INPP4B: variants seen among roughly 807,000 people sequenced by gnomAD.
The protein encoded by INPP4B is inositol polyphosphate-4-phosphatase type II B, also known as inositol polyphosphate 4-phosphatase type II.
In INPP4B, 55 loss-of-function variants were observed where a neutral mutation model predicts 122.5. That is an observed-to-expected ratio of 0.45 (90% CI 0.36 to 0.56). The LOEUF (loss-of-function observed/expected upper bound fraction) is 0.56, where lower values mean the gene tolerates loss of function less well. Ranked by LOEUF, INPP4B falls within the 20% of genes least tolerant of loss-of-function variation. The pLI is 0.00. For synonymous variants in INPP4B, 403 were observed against 388.7 expected, an observed-to-expected ratio of 1.04 and a Z score of -0.43; for missense variants, 1,000 against 1,097.7, an observed-to-expected ratio of 0.91 and a Z score of 1.26.
At chr4:142,279,711 C>T (rs1750292617) in intron 9 of INPP4B, among the ~76,000 whole-genome samples, 1 of 151,656 alleles carries the variant, frequency 6.6e-6, no homozygotes, top group South Asian at 2.1e-4. Flanking sequence ...AGTGTGACAC[C>T]AAAGTCATGA....
chr4:142,319,350 C>T (rs77806399), intron 7 of INPP4B, among the ~76,000 whole-genome samples: 14,209 of 152,202 alleles, frequency 0.093, 729 homozygotes, highest in Non-Finnish European at 0.13. Context: ...GAATGTGTCT[C>T]ATTTCTTTAA....
chr4:142,252,925 G>T (rs1402912191), intron 11 of INPP4B, among the ~76,000 whole-genome samples: 1 of 152,128 alleles, frequency 6.6e-6, no homozygotes, highest in African/African-American at 2.4e-5. Context: ...TTTCGTCATG[G>T]TGCAAACATC....
At chr4:142,763,181 T>A (rs571330489) in intron 1 of INPP4B, among the ~76,000 whole-genome samples, 1 of 152,330 alleles carries the variant, frequency 6.6e-6, no homozygotes, top group East Asian at 1.9e-4. Flanking sequence ...CAGTTTCTAC[T>A]CACTTGCGAC....
chr4:142,529,942 G>A (rs1827386495), intron 2 of INPP4B, among the ~76,000 whole-genome samples: 1 of 152,094 alleles, frequency 6.6e-6, no homozygotes, highest in African/African-American at 2.4e-5. Flanking sequence ...AGGTTATAAA[G>A]CTATATCTAG....
chr4:142,816,419 G>A (rs1169959099), intron 1 of INPP4B, among the ~76,000 whole-genome samples: 1 of 151,892 alleles, frequency 6.6e-6, no homozygotes, highest in African/African-American at 2.4e-5. Flanking sequence ...GAGTTAGTGT[G>A]AGAAGGAAAA....
intron 1 of INPP4B, among the ~76,000 whole-genome samples, chr4:142,804,871 T>C (rs1479057195): frequency 6.6e-6 from 1 of 152,196 alleles, no homozygotes; most frequent in Non-Finnish European, 1.5e-5. Flanking sequence ...TTCGCCATGT[T>C]GCCCAGTCTG....
intron 14 of INPP4B, among the ~76,000 whole-genome samples, chr4:142,201,564 T>C (rs563406163): frequency 2.8e-4 from 42 of 152,142 alleles, no homozygotes; most frequent in African/African-American, 9.1e-4. Context: ...ATGTGATTTA[T>C]TTCCTGGTCT....
At chr4:142,809,628 A>C (rs1296388355) in intron 1 of INPP4B, among the ~76,000 whole-genome samples, 1 of 152,158 alleles carries the variant, frequency 6.6e-6, no homozygotes, top group Non-Finnish European at 1.5e-5. Flanking sequence ...TCCTGGGAAA[A>C]AAGTACTGAC....
At chr4:142,232,294 G>A (rs1854730887) in intron 12 of INPP4B, among the ~76,000 whole-genome samples, 1 of 151,976 alleles carries the variant, frequency 6.6e-6, no homozygotes, top group Non-Finnish European at 1.5e-5. Flanking sequence ...GAAGATTGGT[G>A]GCAATCCTTC....
chr4:142,532,168 C>G (rs888072611), intron 2 of INPP4B, among the ~76,000 whole-genome samples: 2 of 152,146 alleles, frequency 1.3e-5, no homozygotes, highest in Non-Finnish European at 2.9e-5. Context: ...TAAACACTTT[C>G]AAAGGATTCC....
intron 3 of INPP4B, among the ~76,000 whole-genome samples, chr4:142,446,613 TAA>T (rs1411187201): frequency 6.6e-6 from 1 of 152,202 alleles, no homozygotes; most frequent in African/African-American, 2.4e-5. Flanking sequence ...GAAAACAGGC[TAA>T]GTGTCCATCA....
chr4:142,356,291 G>T (rs9998814), intron 7 of INPP4B, among the ~76,000 whole-genome samples: 1 of 148,038 alleles, frequency 6.8e-6, no homozygotes, highest in African/African-American at 2.5e-5. Flanking sequence ...GTGTTGATTT[G>T]AAAATAAGAA....
chr4:142,292,607 A>G lies in INPP4B; in HGVS notation c.503+12851T>C, dbSNP rs564313333. On this transcript the variant is annotated intron_variant, in intron 9 of 25. Transcript: ENST00000262992. Reference sequence around the variant, plus strand: ...CTTTCCCTGAGAGAGACTGCATCAGAGAAATATAAGGGAAGATTAAAAAGT... The same window carrying G: ...CTTTCCCTGAGAGAGACTGCATCAGGGAAATATAAGGGAAGATTAAAAAGT... 2.0e-5 allele frequency among the ~76,000 whole-genome samples: 3 copies of G among 152,368 alleles called. No individual in the cohort carries two copies. In the East Asian group the frequency reaches 5.8e-4, roughly 29 times the overall value.
chr4:142,594,102 GTAA>G (rs1738147456), intron 2 of INPP4B, among the ~76,000 whole-genome samples: 1 of 152,094 alleles, frequency 6.6e-6, no homozygotes, highest in Non-Finnish European at 1.5e-5. Context: ...TTTCTAATTT[GTAA>G]CATGAGAATA....
chr4:142,601,364 C>T (rs937802161), intron 2 of INPP4B, among the ~76,000 whole-genome samples: 1 of 151,896 alleles, frequency 6.6e-6, no homozygotes, highest in Non-Finnish European at 1.5e-5. Context: ...ATTTTCATAA[C>T]AGTATGGTAT....
chr4:142,297,401 C>T (rs1463653833), intron 9 of INPP4B, among the ~76,000 whole-genome samples: 3 of 152,184 alleles, frequency 2.0e-5, no homozygotes, highest in Admixed American at 2.0e-4. Context: ...AAAATGTAAT[C>T]ACTGTTAGAG....
intron 1 of INPP4B, among the ~76,000 whole-genome samples, chr4:142,761,740 A>G (rs1210082656): frequency 9.9e-5 from 15 of 152,194 alleles, no homozygotes; most frequent in Admixed American, 9.2e-4. Flanking sequence ...CATTAAGTAA[A>G]TTACATTAGG....
At chr4:142,843,680 A>G (rs953381084) in intron 1 of INPP4B, among the ~76,000 whole-genome samples, 3 of 136,164 alleles carry the variant, frequency 2.2e-5, no homozygotes, top group African/African-American at 9.4e-5. Flanking sequence ...TTACTCACTA[A>G]TTATGATTCC....
At chr4:142,321,568 GATTTAA>G (rs1397307339) in intron 7 of INPP4B, among the ~76,000 whole-genome samples, 1 of 152,140 alleles carries the variant, frequency 6.6e-6, no homozygotes, top group Non-Finnish European at 1.5e-5. Flanking sequence ...TCAGGTCTTA[GATTTAA>G]GTCTTTGATC....
Sources: gnomAD v4.1 joint callset for allele counts (sites outside exome capture counted in the v4.1 genomes callset) on GRCh38, gnomAD v4.1.1 for gene constraint, MANE v1.5 for transcripts, NCBI Gene and HGNC (gene_info 2026-07-23, HGNC 2026-07-21) for gene names.